The following ANKS1B variants were observed in gnomAD, a reference collection of about 807,000 sequenced individuals.
ANKS1B encodes ankyrin repeat and sterile alpha motif domain containing 1B, also known as ankyrin repeat and sterile alpha motif domain-containing protein 1B.
A neutral mutation model predicts 148.3 loss-of-function variants in ANKS1B; 36 were observed. The observed-to-expected ratio is 0.24, with a 90% confidence interval of 0.19 to 0.32. The LOEUF is 0.32. ANKS1B is among the 10% of genes least tolerant of loss of function. The probability of loss-of-function intolerance (pLI) is 1.00; values close to 1 mark genes in which losing one functional copy is unlikely to be tolerated. For missense variants in ANKS1B, 1,157 were observed against 1,542.6 expected (o/e 0.75, Z 4.19); for synonymous variants, 542 against 560.8 (o/e 0.97, Z 0.47).
intron 12 of ANKS1B, among the ~76,000 whole-genome samples, chr12:99,274,140 G>C (rs747807956): frequency 6.6e-5 from 10 of 152,044 alleles, no homozygotes; most frequent in African/African-American, 9.7e-5. Flanking sequence ...TTAATAAGGA[G>C]TTTTGTAAGC....
At chr12:98,746,619 C>T (rs1179583943) in intron 26 of ANKS1B, among the ~76,000 whole-genome samples, 3 of 152,192 alleles carry the variant, frequency 2.0e-5, no homozygotes, top group Non-Finnish European at 4.4e-5. Flanking sequence ...TCCACTGCCA[C>T]GTATGCTCAT....
intron 22 of ANKS1B, among the ~76,000 whole-genome samples, chr12:98,792,281 A>G (rs558090991): frequency 9.2e-5 from 14 of 152,276 alleles, no homozygotes; most frequent in African/African-American, 1.9e-4. Context: ...TTGAAAACAG[A>G]TATTTCTTTT....
chr12:98,778,908 G>A (rs1384219752), intron 24 of ANKS1B, among the ~76,000 whole-genome samples: 2 of 152,190 alleles, frequency 1.3e-5, no homozygotes, highest in Non-Finnish European at 2.9e-5. Flanking sequence ...TCATACTGGG[G>A]GAGATCAGCT....
chr12:99,812,150 T>G lies in ANKS1B; in HGVS notation c.372+5A>C. The G allele has an allele frequency of 6.2e-7, 1 of 1,606,894 alleles. No individual in the cohort carries two copies. The highest frequency in any genetic ancestry group is 8.5e-7 in the Non-Finnish European group (1 of 1,175,750). On this transcript the variant is annotated splice_donor_5th_base_variant and intron_variant, in intron 3 of 26. Coordinates refer to ENST00000683438, the MANE Select transcript of ANKS1B (RefSeq NM_001352186.2). The stretch of plus-strand genomic sequence containing the variant: ...ACATCATGAGCAAACATTTGGCAAG[T>G]GCACCTGTTCATTGACCCTGGAATG...
At chr12:99,953,809 A>G (rs2095269443) in intron 1 of ANKS1B, among the ~76,000 whole-genome samples, 1 of 152,204 alleles carries the variant, frequency 6.6e-6, no homozygotes, top group Non-Finnish European at 1.5e-5. Context: ...AAGCAGAGGT[A>G]GAGAGAGACA....
chr12:99,691,091 T>C (rs1176437142), intron 8 of ANKS1B, among the ~76,000 whole-genome samples: 1 of 152,232 alleles, frequency 6.6e-6, no homozygotes, highest in Non-Finnish European at 1.5e-5. Flanking sequence ...TCTGAAGCAA[T>C]GGACCAAGCT....
intron 15 of ANKS1B, among the ~76,000 whole-genome samples, chr12:99,091,845 T>C (rs2054114484): frequency 6.6e-6 from 1 of 152,162 alleles, no homozygotes; most frequent in Non-Finnish European, 1.5e-5. Context: ...ATAGGAGACT[T>C]TCTCAAGACT....
intron 4 of ANKS1B, among the ~76,000 whole-genome samples, chr12:99,793,600 G>A (rs2065911551): frequency 6.6e-6 from 1 of 152,050 alleles, no homozygotes; most frequent in Middle Eastern, 3.4e-3. Context: ...AATGGTGCTG[G>A]TAAAACTAAA....
At chr12:99,277,290 A>C (rs1057049095) in intron 12 of ANKS1B, among the ~76,000 whole-genome samples, 1 of 152,186 alleles carries the variant, frequency 6.6e-6, no homozygotes, top group African/African-American at 2.4e-5. Context: ...AATGAAAGGA[A>C]GATCACCCCT....
At chr12:99,811,001 T>A (rs940827339) in intron 3 of ANKS1B, among the ~76,000 whole-genome samples, 1 of 151,944 alleles carries the variant, frequency 6.6e-6, no homozygotes, top group Non-Finnish European at 1.5e-5. Context: ...ATATCTGTCA[T>A]GTTTTAAAGA....
intron 1 of ANKS1B, among the ~76,000 whole-genome samples, chr12:99,884,274 C>A (rs1171248085): frequency 2.0e-5 from 3 of 152,120 alleles, no homozygotes; most frequent in African/African-American, 7.2e-5. Flanking sequence ...AGCAAGTATG[C>A]AGAGCCATTG....
chr12:99,370,036 C>A (rs1024197135), intron 12 of ANKS1B, among the ~76,000 whole-genome samples: 1 of 151,920 alleles, frequency 6.6e-6, no homozygotes. Flanking sequence ...GGATGAGATA[C>A]GATAGAACAT....
intron 9 of ANKS1B, among the ~76,000 whole-genome samples, chr12:99,644,414 C>T (rs554060016): frequency 1.1e-4 from 16 of 152,276 alleles, no homozygotes; most frequent in African/African-American, 3.6e-4. Context: ...TTAACATCCT[C>T]GTTTGTATAA....
chr12:99,364,755 G>T (rs2092678160), intron 12 of ANKS1B, among the ~76,000 whole-genome samples: 1 of 152,154 alleles, frequency 6.6e-6, no homozygotes, highest in African/African-American at 2.4e-5. Flanking sequence ...TTCCAACCAT[G>T]TGTTTCCTCA....
At chr12:99,707,161 C>A (rs1434360606) in intron 8 of ANKS1B, among the ~76,000 whole-genome samples, 1 of 152,062 alleles carries the variant, frequency 6.6e-6, no homozygotes, top group Non-Finnish European at 1.5e-5. Context: ...TCAGGTGTTA[C>A]AAAACAAAGA....
chr12:99,532,393 GCT>G (rs1417167938), intron 9 of ANKS1B, among the ~76,000 whole-genome samples: 1 of 152,050 alleles, frequency 6.6e-6, no homozygotes, highest in Non-Finnish European at 1.5e-5. Flanking sequence ...ACGGAGTCTC[GCT>G]CTGTCGCCAG....
intron 8 of ANKS1B, among the ~76,000 whole-genome samples, chr12:99,712,420 A>T (rs919186937): frequency 3.9e-5 from 6 of 152,218 alleles, no homozygotes; most frequent in African/African-American, 1.4e-4. Context: ...ATTATGGATT[A>T]TCTGGATAGA....
chr12:99,977,887 C>T lies in ANKS1B; in HGVS notation c.134+6217G>A, dbSNP rs1022253906. 4.6e-5 allele frequency among the ~76,000 whole-genome samples: 7 copies of T among 152,166 alleles called. No individual in the cohort carries two copies. In the East Asian group the frequency reaches 1.3e-3, roughly 29 times the overall value. On this transcript the variant is annotated intron_variant, in intron 1 of 26. Coordinates refer to ENST00000683438, the MANE Select transcript of ANKS1B (RefSeq NM_001352186.2). ...TAAAAACTCACTGTATTTTAATTAA[C>T]TAACATCATTCTGCAATATGTCCAA...
At chr12:99,793,016 A>G (rs1325850265) in intron 4 of ANKS1B, among the ~76,000 whole-genome samples, 1 of 152,114 alleles carries the variant, frequency 6.6e-6, no homozygotes, top group Non-Finnish European at 1.5e-5. Flanking sequence ...TACAAAATCA[A>G]CATACAAAAA....
Sources: gnomAD v4.1 joint callset for allele counts (sites outside exome capture counted in the v4.1 genomes callset) on GRCh38, gnomAD v4.1.1 for gene constraint, MANE v1.5 for transcripts, NCBI Gene and HGNC (gene_info 2026-07-23, HGNC 2026-07-21) for gene names.